Variants in PCDHGA5 observed in about 807,000 individuals in gnomAD.
PCDHGA5 encodes protocadherin gamma-A5.
PCDHGA5 carries 36 observed loss-of-function variants against 56.7 expected under a neutral mutation model. The observed-to-expected ratio is 0.64, with a 90% CI of 0.49 to 0.84. The LOEUF is 0.84. Among genes scored for constraint, PCDHGA5 ranks in the 40% least tolerant of loss-of-function variants. The pLI is 0.00. For missense variants in PCDHGA5, 1,305 were observed against 1,201.5 expected (o/e 1.09, Z -1.27); for synonymous variants, 563 against 520.2 (o/e 1.08, Z -1.12).
Position 141,485,597 on chromosome 5 carries a change from A to G in PCDHGA5, c.2422-9210A>G. On this transcript the variant is annotated intron_variant, in intron 1 of 3. Coordinates refer to ENST00000518069, the MANE Select transcript of PCDHGA5 (RefSeq NM_018918.3). This position sits in a 1 kb window ranked among gnomAD's most constrained non-coding sequence, Gnocchi z 5.7. ...TCCGCGGCAGCAGCTGGACTTGGAA[A>G]TTGGGGAGGCAGCTCCTCCAGGACA... The G allele has an allele frequency of 6.2e-7, 1 of 1,612,468 alleles. No homozygotes were observed. The highest frequency in any genetic ancestry group is 8.5e-7 in the Non-Finnish European group (1 of 1,178,718).
chr5:141,415,740 GTTTTTTTTTTTTTTT>G (rs57426385), intron 1 of PCDHGA5: 171 of 625,014 alleles, frequency 2.7e-4, no homozygotes, highest in East Asian at 8.8e-4. Flanking sequence ...GTTTATTAAG[GTTTTTTTTTTTTTTT>G]TTTTTTTTTT....
At chr5:141,415,476 G>C in intron 1 of PCDHGA5, 1 of 1,614,194 alleles carries the variant, frequency 6.2e-7, no homozygotes, top group Non-Finnish European at 8.5e-7. Context: ...CCGCGGACTC[G>C]CGAAAGAGTC....
intron 1 of PCDHGA5, chr5:141,398,582 T>A: frequency 6.2e-7 from 1 of 1,614,000 alleles, no homozygotes. Context: ...GGCACAAGAT[T>A]TATACTAGAA....
chr5:141,397,092 G>A (rs1422724446), intron 1 of PCDHGA5, among the ~76,000 whole-genome samples: 3 of 152,136 alleles, frequency 2.0e-5, no homozygotes, highest in South Asian at 2.1e-4. Flanking sequence ...ATTTCAGATA[G>A]GATAATAATG....
intron 1 of PCDHGA5, chr5:141,428,149 G>A (rs1048150182): frequency 8.8e-6 from 14 of 1,586,676 alleles, no homozygotes; most frequent in African/African-American, 1.3e-5. Flanking sequence ...CTGCACACGG[G>A]AACCTGCTGG....
intron 1 of PCDHGA5, among the ~76,000 whole-genome samples, chr5:141,407,567 A>T (rs554405122): frequency 7.0e-4 from 107 of 152,170 alleles, no homozygotes; most frequent in African/African-American, 2.5e-3. Context: ...AAGCTGAAAG[A>T]TAAAATTCTT....
chr5:141,376,374 G>GT (rs778102910), intron 1 of PCDHGA5: 18 of 1,614,072 alleles, frequency 1.1e-5, no homozygotes, highest in East Asian at 1.1e-4. Context: ...GCAGACTCGC[G>GT]TAAGAGTCAT....
At chr5:141,395,542 T>TTGTTTGTTTG (rs1267535064) in intron 1 of PCDHGA5, 1 of 168,708 alleles carries the variant, frequency 5.9e-6, no homozygotes, top group African/African-American at 5.7e-5. Context: ...TTGCTATTGT[T>TTGTTTGTTTG]TGTGTGTGTG....
intron 1 of PCDHGA5, chr5:141,419,027 G>A (rs1415215066): frequency 6.2e-7 from 1 of 1,613,870 alleles, no homozygotes; most frequent in Admixed American, 1.7e-5. Flanking sequence ...AAGTAGAGGT[G>A]TTCCATTTAA....
At chr5:141,400,301 C>T in intron 1 of PCDHGA5, 3 of 1,614,084 alleles carry the variant, frequency 1.9e-6, no homozygotes, top group Non-Finnish European at 2.5e-6. Flanking sequence ...TGCTTCCAAC[C>T]TGGTCTCTGT....
intron 1 of PCDHGA5, chr5:141,430,634 C>A: frequency 1.1e-6 from 1 of 882,730 alleles, no homozygotes; most frequent in Non-Finnish European, 1.7e-6. Flanking sequence ...TGAACCATCC[C>A]TGGGAGTATG....
chr5:141,433,042 G>T (rs752612411), intron 1 of PCDHGA5: 10 of 1,614,024 alleles, frequency 6.2e-6, no homozygotes, highest in East Asian at 4.5e-5. Flanking sequence ...CCCTCACCAC[G>T]GACTCGCGGA....
chr5:141,419,943 C>G (rs2096450865), intron 1 of PCDHGA5: 4 of 1,614,070 alleles, frequency 2.5e-6, no homozygotes, highest in Non-Finnish European at 3.4e-6. Flanking sequence ...CTGGTGGTGG[C>G]CTTGGCCTTG....
chr5:141,501,618 T>G (rs1307485559), intron 2 of PCDHGA5, among the ~76,000 whole-genome samples: 2 of 152,068 alleles, frequency 1.3e-5, no homozygotes, highest in African/African-American at 4.8e-5. Flanking sequence ...GTGACTCTGG[T>G]ATAGTCTCTC....
chr5:141,393,683 G>T lies in PCDHGA5; in HGVS notation c.2421+26932G>T, dbSNP rs370409157. ...GGAAAATTAATGAAAAACAAACTCC[G>T]TTATTCCAGCTTAATGAAAATACTG... On this transcript the variant is annotated intron_variant, in intron 1 of 3. Transcript: ENST00000518069. The T allele has an allele frequency of 2.1e-5, 34 of 1,613,732 alleles. 1 individual carries two copies. The South Asian group carries it at 3.7e-4, about 18-fold the overall frequency.
intron 1 of PCDHGA5, chr5:141,409,623 T>G: frequency 6.2e-7 from 1 of 1,613,854 alleles, no homozygotes; most frequent in Non-Finnish European, 8.5e-7. Context: ...ATTGCGCAAG[T>G]GAGCGCCTCT....
chr5:141,478,509 G>C, intron 1 of PCDHGA5: 1 of 1,611,878 alleles, frequency 6.2e-7, no homozygotes, highest in Non-Finnish European at 8.5e-7. Context: ...GTGTTCTATA[G>C]GCAGGTGTTG....
chr5:141,399,056 A>G (rs945298198), intron 1 of PCDHGA5: 24 of 1,613,834 alleles, frequency 1.5e-5, no homozygotes, highest in African/African-American at 1.2e-4. Flanking sequence ...GAGACCAAGG[A>G]ATATTCAATG....
In PCDHGA5 at chr5:141,489,662, G is replaced by C; in HGVS notation, c.2422-5145G>C. 8.1e-6 allele frequency: 13 copies of C among 1,614,144 alleles called. No individual in the cohort carries two copies. The highest frequency in any genetic ancestry group is 1.1e-5 in the Non-Finnish European group (13 of 1,180,010). On this transcript the variant is annotated intron_variant, in intron 1 of 3. Coordinates refer to ENST00000518069, the MANE Select transcript of PCDHGA5 (RefSeq NM_018918.3). This position sits in a 1 kb window ranked among gnomAD's most constrained non-coding sequence, Gnocchi z 4.5. The stretch of plus-strand genomic sequence containing the variant: ...TTTGCCACCCCTGAGCGAGAGATGC[G>C]CATCTCAGAATCAGCAGCATCTGGG...
Sources: gnomAD v4.1 joint callset for allele counts (sites outside exome capture counted in the v4.1 genomes callset) on GRCh38, gnomAD v4.1.1 for gene constraint, Gnocchi (gnomAD v3.1) non-coding constraint, MANE v1.5 for transcripts, NCBI Gene and HGNC (gene_info 2026-07-23, HGNC 2026-07-21) for gene names.